Variants in CDK12 observed in about 807,000 individuals in gnomAD.
CDK12 encodes cyclin-dependent kinase 12.
Under a neutral mutation model 133.8 loss-of-function variants are expected in CDK12, and 17 were observed. The ratio of observed to expected loss-of-function variants is 0.13; its 90% confidence interval spans 0.09 to 0.19. The LOEUF (loss-of-function observed/expected upper bound fraction) is 0.19. CDK12 is among the 10% of genes least tolerant of loss of function. The pLI is 1.00. For missense variants in CDK12, 1,508 were observed against 1,818.7 expected, an observed-to-expected ratio of 0.83 and a Z score of 3.11; for synonymous variants, 694 against 683.6, an observed-to-expected ratio of 1.02 and a Z score of -0.24.
Position 39,481,696 on chromosome 17 carries a change from CTCTCTCTCTCTCTCTT to C in CDK12, c.1932-8855_1932-8840del, listed in dbSNP as rs2050710611. Among the ~76,000 whole-genome samples, 4 of 11,424 alleles carry C rather than the reference CTCTCTCTCTCTCTCTT, an allele frequency of 3.5e-4. 1 individual carries two copies. The highest frequency in any genetic ancestry group is 5.4e-4 in the African/African-American group (3 of 5,584). 7.5% of individuals were successfully genotyped at this position (11,424 alleles called of 152,430 possible). On this transcript the variant is annotated intron_variant, in intron 2 of 13. Transcript: ENST00000447079. ...TCTCTCTCTCTCTCTCTCTCTCTCTCTCTCTCTCTCTCTCTTTCTCTTTTCTTTTTTCTTTTTTTTT... is the reference window on the plus strand; with the variant it reads ...TCTCTCTCTCTCTCTCTCTCTCTCTCTCTCTTTTCTTTTTTCTTTTTTTTT...
intron 1 of CDK12, 50 bp downstream of exon 1, chr17:39,463,167 A>C: frequency 6.6e-7 from 1 of 1,517,196 alleles, no homozygotes; most frequent in Non-Finnish European, 9.1e-7. Flanking sequence ...GGTTGCGAGG[A>C]ATTGGCATTC....
chr17:39,485,440 A>C (rs980611738), intron 2 of CDK12, among the ~76,000 whole-genome samples: 1 of 116,018 alleles, frequency 8.6e-6, no homozygotes, highest in African/African-American at 3.3e-5. Flanking sequence ...TGGGAAACAG[A>C]GTCTCACTCT....
intron 2 of CDK12, among the ~76,000 whole-genome samples, chr17:39,485,331 A>G (rs1234163289): frequency 6.6e-6 from 1 of 151,048 alleles, no homozygotes; most frequent in Non-Finnish European, 1.5e-5. Context: ...GATGCCTGTG[A>G]TCCCAGCACT....
intron 2 of CDK12, among the ~76,000 whole-genome samples, chr17:39,487,996 G>A (rs2051277416): frequency 6.6e-6 from 1 of 152,062 alleles, no homozygotes; most frequent in Non-Finnish European, 1.5e-5. Context: ...GGTAGGAGGC[G>A]AGGCAAGAGC....
At chr17:39,563,665 T>G (rs971285422) in intron 3 of CDK12, among the ~76,000 whole-genome samples, 9 of 152,102 alleles carry the variant, frequency 5.9e-5, no homozygotes, top group Admixed American at 5.9e-4. Context: ...TCTGCCGGCT[T>G]CGCAGCACCG....
intron 3 of CDK12, among the ~76,000 whole-genome samples, chr17:39,559,461 C>T (rs2056286357): frequency 6.6e-6 from 1 of 152,170 alleles, no homozygotes. Context: ...CTTCATGTTG[C>T]CCTTTTATAT....
chr17:39,463,915 G>C (rs1461245952), intron 1 of CDK12, among the ~76,000 whole-genome samples: 1 of 152,060 alleles, frequency 6.6e-6, no homozygotes, highest in Non-Finnish European at 1.5e-5. Context: ...CCTAGGTAAT[G>C]AGATGTATCT....
intron 1 of CDK12, 94 bp from the exon 2 acceptor site, chr17:39,470,785 A>G (rs2049734578): frequency 9.5e-7 from 1 of 1,055,384 alleles, no homozygotes; most frequent in African/African-American, 1.6e-5. Flanking sequence ...TACAATTGAT[A>G]AGTTACAGTT....
upstream of CDK12, among the ~76,000 whole-genome samples, chr17:39,545,674 A>G (rs1271219481): frequency 6.6e-6 from 1 of 150,448 alleles, no homozygotes; most frequent in Non-Finnish European, 1.5e-5. Flanking sequence ...AATTTTTGGT[A>G]TTTTTAGTAG....
At chr17:39,552,544 C>G (rs2055995871) in intron 2 of CDK12, among the ~76,000 whole-genome samples, 1 of 152,316 alleles carries the variant, frequency 6.6e-6, no homozygotes, top group South Asian at 2.1e-4. Flanking sequence ...GAGAGGGTGG[C>G]AGGCTTTCTG....
At chr17:39,549,122 G>C (rs1368608180), upstream of CDK12, 1 of 152,344 alleles carries the variant, frequency 6.6e-6, no homozygotes, top group Non-Finnish European at 1.5e-5. Context: ...GATTCTGAGT[G>C]TCACCCTTAG....
Position 39,463,034 on chromosome 17 carries a change from G to A in CDK12, c.963G>A (p.Gly321=). 6.2e-7 allele frequency: 1 copy of A among 1,614,186 alleles called. No homozygotes were observed. Among genetic ancestry groups the A allele is most frequent in the Non-Finnish European group, 8.5e-7 (1 of 1,180,030 alleles). The change falls in exon 1 of 14, where the codon GGG becomes GGA. Residue 321 remains glycine, a synonymous_variant. Transcript: ENST00000447079. ...SSYERSGSYS[G]RSPSPYGRRR... ...ACGAAAGAAGTGGCTCTTACAGCGGGCGATCGCCCAGTCCCTATGGTCGAA... is the reference window on the plus strand; with the variant it reads ...ACGAAAGAAGTGGCTCTTACAGCGGACGATCGCCCAGTCCCTATGGTCGAA...
intron 9 of CDK12, among the ~76,000 whole-genome samples, chr17:39,516,770 C>G (rs1340173215): frequency 6.7e-6 from 1 of 149,522 alleles, no homozygotes; most frequent in Non-Finnish European, 1.5e-5. Context: ...TCAAGCCATT[C>G]TCCTGCCTCA....
At chr17:39,482,962 G>C (rs1353674167) in intron 2 of CDK12, among the ~76,000 whole-genome samples, 1 of 148,574 alleles carries the variant, frequency 6.7e-6, no homozygotes, top group Non-Finnish European at 1.5e-5. Context: ...CTCTAGGCTG[G>C]AGTACAGTGG....
Position 39,471,204 on chromosome 17 carries a change from C to G in CDK12, c.1372C>G (p.Pro458Ala). 1 of 1,585,520 alleles carries G rather than the reference C, an allele frequency of 6.3e-7. No individual in the cohort carries two copies. The highest frequency in any genetic ancestry group is 8.6e-7 in the Non-Finnish European group (1 of 1,169,524). ...AAGTGTAAAATTGGAAAAATCTGCC[C>G]CAGATACTGAACTGGTGAATGTAAC... ...PRSVKLEKSA[P>A]DTELVNVTHL... Residue 458 changes from proline to alanine, a missense_variant, in exon 2 of 14, where the codon CCA (proline) becomes GCA (alanine). Pro to Ala is a conservative substitution (Grantham distance 27, BLOSUM62 -1). This residue lies in a region of CDK12 where 347 missense variants were observed against 330.8 expected (regional missense o/e 1.05). Coordinates refer to ENST00000447079, the MANE Select transcript of CDK12 (RefSeq NM_016507.4).
At chr17:39,495,373 T>G (rs2051999873) in intron 5 of CDK12, among the ~76,000 whole-genome samples, 1 of 144,006 alleles carries the variant, frequency 6.9e-6, no homozygotes, top group Non-Finnish European at 1.5e-5. Context: ...CTACCATGAC[T>G]GGCCTCATGT....
At chr17:39,547,927 A>T (rs1263636687), upstream of CDK12, 1 of 152,238 alleles carries the variant, frequency 6.6e-6, no homozygotes, top group Non-Finnish European at 1.5e-5. Flanking sequence ...AGAGGGATAG[A>T]GCAAGTGTTA....
upstream of CDK12, chr17:39,544,144 A>G (rs1452334685): frequency 1.3e-5 from 6 of 468,336 alleles, no homozygotes; most frequent in Non-Finnish European, 2.6e-5. Context: ...CATCACCGTC[A>G]CTGTTACCTA....
chr17:39,486,275 T>TTTC (rs1451776106), intron 2 of CDK12, among the ~76,000 whole-genome samples: 1 of 102,880 alleles, frequency 9.7e-6, no homozygotes, highest in African/African-American at 3.3e-5. Context: ...TTTTTTTTTT[T>TTTC]CTGTGAAACA....
Sources: allele counts gnomAD v4.1 joint callset (sites outside exome capture counted in the v4.1 genomes callset), GRCh38; gene constraint gnomAD v4.1.1; regional missense constraint gnomAD v4.1.1; transcripts MANE v1.5; gene names NCBI Gene and HGNC (gene_info 2026-07-23, HGNC 2026-07-21).